ABCC12: variants seen among roughly 807,000 people sequenced by gnomAD.
The protein encoded by ABCC12 is ATP-binding cassette sub-family C member 12.
A neutral mutation model predicts 151.1 loss-of-function variants in ABCC12; 142 were observed. The observed-to-expected ratio is 0.94, with a 90% CI of 0.82 to 1.08. The LOEUF (loss-of-function observed/expected upper bound fraction) is 1.08, where lower values mean the gene tolerates loss of function less well. Among genes scored for constraint, ABCC12 ranks in the 50% least tolerant of loss-of-function variants. The pLI, the probability that ABCC12 is intolerant of heterozygous loss-of-function variation, is 0.00. For synonymous variants in ABCC12, 645 were observed against 646.4 expected, an observed-to-expected ratio of 1.00 and a Z score of 0.03; for missense variants, 1,638 against 1,691.1, an observed-to-expected ratio of 0.97 and a Z score of 0.55.
At chr16:48,118,190 G>A (rs996251318) in intron 13 of ABCC12, among the ~76,000 whole-genome samples, 1 of 152,174 alleles carries the variant, frequency 6.6e-6, no homozygotes, top group African/African-American at 2.4e-5. Context: ...CCCCAGGGGA[G>A]GCCTTTGGGG....
At chr16:48,087,065 T>C (rs955806118) in intron 27 of ABCC12, 3 of 430,466 alleles carry the variant, frequency 7.0e-6, no homozygotes. Context: ...GGTGGAACCC[T>C]GCCGAGAGGC....
rs772077486 is a variant in ABCC12 at position 48,121,763 on chromosome 16, T to A, written c.1665A>T (p.Gly555=). The A allele has an allele frequency of 2.5e-6, 4 of 1,614,208 alleles. No homozygotes were observed. The Admixed American group carries it at 6.7e-5, about 27-fold the overall frequency. ...YVSQQAWIFH[G]NVRENILFGE... is the part of the protein sequence containing the mutation. Reference sequence around the variant, plus strand: ...CAAAGAGTATGTTTTCTCTCACATTTCCATGAAAGATCCATGCCTGCTGTG... The same window carrying A: ...CAAAGAGTATGTTTTCTCTCACATTACCATGAAAGATCCATGCCTGCTGTG... Residue 555 remains glycine (G), a synonymous_variant, in exon 13 of 31, where the codon GGA becomes GGT. Coordinates refer to ENST00000311303, the MANE Select transcript of ABCC12 (RefSeq NM_001393797.1).
Position 48,111,658 on chromosome 16 carries a change from G to A in ABCC12, c.2129C>T (p.Pro710Leu). 3 of 1,614,128 alleles carry A rather than the reference G, an allele frequency of 1.9e-6. No homozygotes were observed. Among genetic ancestry groups the A allele is most frequent in the Non-Finnish European group, 2.5e-6 (3 of 1,180,028 alleles). Reference protein sequence around the residue: ...HNLRGLQFKDPEHLYNAAMVE... With the variant: ...HNLRGLQFKDLEHLYNAAMVE... ...CATTGCTGCATTGTAAAGGTGTTCA[G>A]GATCCTGGAGACAAAATGAAATTCC... is the stretch of plus-strand genomic sequence containing the variant. The change falls in exon 17 of 31, where the codon CCT becomes CTT. Residue 710 changes from proline to leucine, a missense_variant. Coordinates refer to ENST00000311303, the MANE Select transcript of ABCC12 (RefSeq NM_001393797.1).
At chr16:48,089,620 A>G (rs1159029200) in intron 25 of ABCC12, among the ~76,000 whole-genome samples, 1 of 152,234 alleles carries the variant, frequency 6.6e-6, no homozygotes, top group African/African-American at 2.4e-5. Context: ...TCTCTGGTCA[A>G]TAAGCAACCT....
chr16:48,095,057 A>G (rs1038878956), intron 24 of ABCC12, among the ~76,000 whole-genome samples: 4 of 152,152 alleles, frequency 2.6e-5, no homozygotes, highest in South Asian at 4.1e-4. Flanking sequence ...TTAGGAGGGG[A>G]AAAAAAGACT....
In ABCC12 at chr16:48,097,376, GT is replaced by G. The variant is rs1313424530; in HGVS notation, c.3039-475del. ...GTCACCTTTAGGGAAATCAATGTTT[GT>G]GACTGTAGAGGAGGGAAGGGAGGGT... On this transcript the variant is annotated intron_variant, in intron 23 of 30. Coordinates refer to ENST00000311303, the MANE Select transcript of ABCC12 (RefSeq NM_001393797.1). Among the ~76,000 whole-genome samples, 4 of 152,306 alleles carry G rather than the reference GT, an allele frequency of 2.6e-5. No individual in the cohort carries two copies. In the East Asian group the frequency reaches 7.7e-4, roughly 29 times the overall value.
At chr16:48,091,051 A>T in intron 25 of ABCC12, 69 bp downstream of exon 25, 1 of 1,459,196 alleles carries the variant, frequency 6.9e-7, no homozygotes, top group Admixed American at 1.7e-5. Flanking sequence ...GCATCTAAAA[A>T]GATCCAGTAT....
chr16:48,092,778 GGA>G (rs1962954664), intron 24 of ABCC12, among the ~76,000 whole-genome samples: 1 of 152,172 alleles, frequency 6.6e-6, no homozygotes, highest in African/African-American at 2.4e-5. Context: ...GGCCGGGGCT[GGA>G]GAGTTACCTT....
rs544851422 is a variant in ABCC12, at chr16:48,090,104, T to C, written c.3285+1016A>G. On this transcript the variant is annotated intron_variant, in intron 25 of 30. Coordinates refer to ENST00000311303, the MANE Select transcript of ABCC12 (RefSeq NM_001393797.1). The stretch of plus-strand genomic sequence containing the variant: ...TTCAAAGGCACCTAAATGTGATTGC[T>C]AGAATTGGCTAGACTTCTTTTAAAA... Among the ~76,000 whole-genome samples the C allele has an allele frequency of 2.0e-5, 3 of 152,344 alleles. No individual in the cohort carries two copies. In the South Asian group the frequency reaches 6.2e-4, roughly 32 times the overall value.
rs531444167 is a variant in ABCC12, at chr16:48,100,959, C to T, written c.2951G>A (p.Arg984Gln). 9 of 1,614,136 alleles carry T rather than the reference C, an allele frequency of 5.6e-6. No homozygotes were observed. The highest frequency in any genetic ancestry group is 3.3e-5 in the Admixed American group (2 of 60,024). ...QELKKVENVS[R>Q]SPWFTHITSS... Reference sequence around the variant, plus strand: ...GGTGATGTGGGTGAACCAGGGTGACCGGCTGACATTCTCCACCTTCTTGAG... The same window carrying T: ...GGTGATGTGGGTGAACCAGGGTGACTGGCTGACATTCTCCACCTTCTTGAG... Residue 984 changes from arginine to glutamine, a missense_variant, in exon 23 of 31, where the codon CGG becomes CAG. Arg to Gln is a conservative substitution (Grantham distance 43, BLOSUM62 1). Coordinates refer to ENST00000311303, the MANE Select transcript of ABCC12 (RefSeq NM_001393797.1).
chr16:48,107,540 C>A, intron 19 of ABCC12, 115 bp from the exon 20 acceptor site: 1 of 858,078 alleles, frequency 1.2e-6, no homozygotes. Context: ...AAAAGGACTC[C>A]CACGCCTGGA....
chr16:48,124,777 T>A (rs1349768661), intron 11 of ABCC12, among the ~76,000 whole-genome samples: 1 of 152,246 alleles, frequency 6.6e-6, no homozygotes, highest in East Asian at 1.9e-4. Flanking sequence ...GATTTATTAA[T>A]TCAACCAACA....
chr16:48,115,577 C>A lies in ABCC12; in HGVS notation c.1827G>T (p.Gln609His), dbSNP rs941790192. 8.1e-6 allele frequency: 13 copies of A among 1,614,120 alleles called. No individual in the cohort carries two copies. Among genetic ancestry groups the A allele is most frequent in the Admixed American group, 5.0e-5 (3 of 60,022 alleles). Residue 609 changes from glutamine to histidine, a missense_variant, in exon 15 of 31, where the codon CAG becomes CAT. Transcript: ENST00000311303. ...AGACAGCGCGGGCCAGGCTAATCCTCTGCCTCTGCCCCCCAGAGAGGTTGA... is the reference window on the plus strand; with the variant it reads ...AGACAGCGCGGGCCAGGCTAATCCTATGCCTCTGCCCCCCAGAGAGGTTGA... ...RGLNLSGGQR[Q>H]RISLARAVYS...
chr16:48,110,049 C>G (rs1485120616), intron 18 of ABCC12, among the ~76,000 whole-genome samples: 1 of 152,224 alleles, frequency 6.6e-6, no homozygotes, highest in African/African-American at 2.4e-5. Context: ...AGAGATTACT[C>G]TCTCCACGGG....
Position 48,091,101 on chromosome 16 carries a change from T to C in ABCC12, c.3285+19A>G. 6.2e-7 allele frequency: 1 copy of C among 1,612,570 alleles called. No homozygotes were observed. The highest frequency in any genetic ancestry group is 8.5e-7 in the Non-Finnish European group (1 of 1,178,548). On this transcript the variant is annotated intron_variant, in intron 25 of 30. Transcript: ENST00000311303. The stretch of plus-strand genomic sequence containing the variant: ...CCAAAATTAACTTGTCCCTCCTCTC[T>C]GATGCACTAATTTCTTACCGAAATG...
chr16:48,101,122 G>T, intron 22 of ABCC12, 113 bp from the exon 23 acceptor site: 1 of 1,275,494 alleles, frequency 7.8e-7, no homozygotes, highest in Non-Finnish European at 1.1e-6. Context: ...GTCAGAGACG[G>T]TGCCATCTAA....
chr16:48,105,285 G>A lies in ABCC12; in HGVS notation c.2527C>T (p.Leu843=). 1 of 1,613,690 alleles carries A rather than the reference G, an allele frequency of 6.2e-7. No homozygotes were observed. The highest frequency in any genetic ancestry group is 8.5e-7 in the Non-Finnish European group (1 of 1,179,966). ...TACACATGCTGACCGATGTCTGCCA[G>A]CACCGCGCCGACCTCACACATGGTC... ...NRTMCEVGAV[L]ADIGQHVYQW... Residue 843 remains leucine, a synonymous_variant, in exon 21 of 31, where the codon CTG becomes TTG. Transcript: ENST00000311303.
At chr16:48,117,198 T>C (rs892229318) in intron 14 of ABCC12, 63 bp downstream of exon 14, 76 of 1,500,250 alleles carry the variant, frequency 5.1e-5, no homozygotes, top group Non-Finnish European at 6.3e-5. Flanking sequence ...GCCTCAGCCC[T>C]TTGGACCTGA....
chr16:48,090,791 G>C (rs1013182233), intron 25 of ABCC12, among the ~76,000 whole-genome samples: 1 of 151,998 alleles, frequency 6.6e-6, no homozygotes, highest in Non-Finnish European at 1.5e-5. Flanking sequence ...GCAATGGCAC[G>C]ATCTCGATTC....
Sources: allele counts gnomAD v4.1 joint callset (sites outside exome capture counted in the v4.1 genomes callset), GRCh38; gene constraint gnomAD v4.1.1; transcripts MANE v1.5; gene names NCBI Gene and HGNC (gene_info 2026-07-23, HGNC 2026-07-21).